Variants in TRMT2B observed in about 807,000 individuals in gnomAD.
TRMT2B encodes the protein tRNA methyltransferase 2B, also known as tRNA (uracil-5-)-methyltransferase homolog B.
In TRMT2B, 34 loss-of-function variants were observed where a neutral mutation model predicts 39.7. The observed-to-expected ratio is 0.86, with a 90% CI of 0.65 to 1.14. The LOEUF is 1.14. Ranked by LOEUF, TRMT2B falls within the 50% of genes most tolerant of loss-of-function variation. The probability of loss-of-function intolerance (pLI) is 0.00; values close to 1 mark genes in which losing one functional copy is unlikely to be tolerated. For synonymous variants in TRMT2B, 132 were observed against 137.3 expected (o/e 0.96, Z 0.27); for missense variants, 318 against 377.2 (o/e 0.84, Z 1.30).
chrX:101,042,337 G>C lies in TRMT2B; in HGVS notation c.-23-25C>G. On this transcript the variant is annotated intron_variant, in intron 2 of 13. Coordinates refer to ENST00000372936, the MANE Select transcript of TRMT2B (RefSeq NM_024917.6). ...CCTGCATGAAAGGTACACATACAGA[G>C]GTTGGGAAATAGAAGCACAACTATC... 2.6e-6 allele frequency: 3 copies of C among 1,174,977 alleles called. No individual in the cohort carries two copies. In the South Asian group the frequency reaches 5.9e-5, roughly 23 times the overall value.
At chrX:101,005,880 CAA>C (rs370275736), downstream of TRMT2B, among the ~76,000 whole-genome samples, 299 of 64,077 alleles carry the variant, frequency 4.7e-3, 1 homozygote, top group African/African-American at 0.012. Context: ...GATTCCCACT[CAA>C]AAAAAAAAAA....
Position 101,021,400 on chromosome X carries a change from G to A in TRMT2B, c.852-85C>T, listed in dbSNP as rs772031342. 682 of 837,756 alleles carry A rather than the reference G, an allele frequency of 8.1e-4. 5 individuals carry two copies. The African/African-American group carries it at 0.012, about 15-fold the overall frequency. The allele number at this position is 837,756 out of a possible 1,213,427, so 69.0% of individuals were successfully genotyped here. A position where few individuals can be genotyped will look rare whatever the true frequency, so the allele number is the denominator to read the frequency against. Reference sequence around the variant, plus strand: ...TCCCAGCACTTTGGGAGGCCGAGGCGGGCAGATCACCTAAGGTCAGGAGTT... The same window carrying A: ...TCCCAGCACTTTGGGAGGCCGAGGCAGGCAGATCACCTAAGGTCAGGAGTT... On this transcript the variant is annotated intron_variant, in intron 9 of 13. Transcript: ENST00000372936.
At chrX:101,005,986 C>T (rs994663566), downstream of TRMT2B, among the ~76,000 whole-genome samples, 11 of 107,753 alleles carry the variant, frequency 1.0e-4, no homozygotes, top group Non-Finnish European at 1.7e-4. Context: ...TCTGGGAGGC[C>T]GAGGTGGGTG....
chrX:101,039,537 C>T (rs2088087531), intron 4 of TRMT2B, among the ~76,000 whole-genome samples: 1 of 111,781 alleles, frequency 8.9e-6, no homozygotes, highest in Non-Finnish European at 1.9e-5. Flanking sequence ...TCAATAACAC[C>T]CACAGAAAAG....
chrX:101,044,738 G>A (rs2088501666), intron 2 of TRMT2B, among the ~76,000 whole-genome samples: 1 of 108,144 alleles, frequency 9.2e-6, no homozygotes, highest in Admixed American at 1.0e-4. Flanking sequence ...TACTCGGTAG[G>A]CTGAGGTAGG....
chrX:101,032,001 A>G (rs987760220), intron 7 of TRMT2B, among the ~76,000 whole-genome samples: 1 of 111,219 alleles, frequency 9.0e-6, no homozygotes, highest in South Asian at 3.8e-4. Flanking sequence ...CACATAGAAA[A>G]TGAGGGAGAG....
intron 2 of TRMT2B, among the ~76,000 whole-genome samples, chrX:101,044,976 G>A (rs1331411821): frequency 9.4e-6 from 1 of 105,951 alleles, no homozygotes; most frequent in Non-Finnish European, 1.9e-5. Flanking sequence ...GTTGCAATGA[G>A]CCGAGACCGT....
chrX:101,047,397 G>A (rs1283364511), intron 2 of TRMT2B, among the ~76,000 whole-genome samples: 1 of 111,439 alleles, frequency 9.0e-6, no homozygotes, highest in Non-Finnish European at 1.9e-5. Context: ...AGGAACAATG[G>A]GAGTAACTAT....
chrX:101,042,129 C>T lies in TRMT2B; in HGVS notation c.161G>A (p.Arg54His), dbSNP rs767987704. The change falls in exon 3 of 14, where the codon CGT (arginine) becomes CAT (histidine). Residue 54 changes from arginine (R) to histidine (H), a missense_variant. Transcript: ENST00000372936. ...LGTVCKGDFTRVIATKCQKGQ... is the reference protein window; with the variant it reads ...LGTVCKGDFTHVIATKCQKGQ... ...TTTCTGACATTTCGTGGCTATCACA[C>T]GGGTGAAATCTCCCTTACATACTGT... 10 of 1,210,519 alleles carry T rather than the reference C, an allele frequency of 8.3e-6. No homozygotes were observed. The South Asian group carries it at 8.8e-5, about 11-fold the overall frequency.
chrX:101,046,237 T>A (rs1487317777), intron 2 of TRMT2B, among the ~76,000 whole-genome samples: 1 of 110,691 alleles, frequency 9.0e-6, no homozygotes, highest in Non-Finnish European at 1.9e-5. Flanking sequence ...GGCCAATGAC[T>A]GTATCAGGGA....
chrX:101,029,329 C>T (rs2148031425), intron 7 of TRMT2B, among the ~76,000 whole-genome samples: 1 of 111,452 alleles, frequency 9.0e-6, no homozygotes, highest in African/African-American at 3.3e-5. Flanking sequence ...TTGTAGGGGG[C>T]TGATCCATGC....
At chrX:101,027,778 A>G (rs2087199112) in intron 7 of TRMT2B, among the ~76,000 whole-genome samples, 1 of 110,782 alleles carries the variant, frequency 9.0e-6, no homozygotes, top group Admixed American at 9.8e-5. Context: ...ACTACTTAAC[A>G]TACCCATTCA....
intron 13 of TRMT2B, among the ~76,000 whole-genome samples, chrX:101,013,960 G>A (rs1602511666): frequency 1.8e-5 from 2 of 109,846 alleles, no homozygotes; most frequent in East Asian, 2.9e-4. Flanking sequence ...GGTGACTCAC[G>A]CCTATAGTCC....
chrX:100,986,925 C>T, the TRMT2B span: 10 of 1,065,731 alleles, frequency 9.4e-6, no homozygotes, highest in Non-Finnish European at 1.2e-5. Flanking sequence ...TCTTCCTTCC[C>T]TCTTCCTCTG....
intron 3 of TRMT2B, among the ~76,000 whole-genome samples, chrX:101,041,838 C>A (rs1484330576): frequency 8.9e-6 from 1 of 111,829 alleles, no homozygotes; most frequent in Non-Finnish European, 1.9e-5. Flanking sequence ...AAAACACACT[C>A]AAAGACAAAG....
At position 101,038,044 on chromosome X, in the gene TRMT2B, A is replaced by G. The variant is rs1203664372; in HGVS notation, c.311T>C (p.Phe104Ser). ...TTGTAAAATTTTCTTCTGAGCTGCA[A>G]ATTTCACCTGCAAAAGAATATAAGC... ...LSYEEQLKVK[F>S]AAQKKILQRL... The change falls in exon 5 of 14, where the codon TTT becomes TCT. Residue 104 changes from phenylalanine (F) to serine (S), a missense_variant. Phe to Ser is a radical substitution (Grantham distance 155, BLOSUM62 -2). Coordinates refer to ENST00000372936, the MANE Select transcript of TRMT2B (RefSeq NM_024917.6). 3 of 1,207,700 alleles carry G rather than the reference A, an allele frequency of 2.5e-6. No individual in the cohort carries two copies. Among genetic ancestry groups the G allele is most frequent in the Admixed American group, 2.2e-5 (1 of 45,342 alleles).
chrX:100,982,195 C>T, the TRMT2B span, among the ~76,000 whole-genome samples: 1 of 110,979 alleles, frequency 9.0e-6, no homozygotes, highest in Non-Finnish European at 1.9e-5. Flanking sequence ...CTTGAGAGAA[C>T]GAGGCCTGGA....
downstream of TRMT2B, among the ~76,000 whole-genome samples, chrX:101,005,942 C>G (rs1209857379): frequency 2.0e-5 from 2 of 100,571 alleles, no homozygotes; most frequent in Non-Finnish European, 4.0e-5. Context: ...GAATGTGGGC[C>G]AGGTGCGGTG....
In TRMT2B at chrX:101,041,333, T is replaced by C; in HGVS notation, c.287A>G (p.Tyr96Cys). ...DVVTPLWRLS[Y>C]EEQLKVKFAA... ...GGCACCTACCTTGAGCTGTTCTTCA[T>C]AGCTCAACCTCCAGAGTGGTGTCAC... Residue 96 changes from tyrosine (Y) to cysteine (C), a missense_variant, in exon 4 of 14, where the codon TAT becomes TGT. Physicochemically the swap from Tyr to Cys is radical, Grantham distance 194. Transcript: ENST00000372936. 1.7e-6 allele frequency: 2 copies of C among 1,210,103 alleles called. No individual in the cohort carries two copies. Among genetic ancestry groups the C allele is most frequent in the South Asian group, 1.8e-5 (1 of 56,564 alleles).
Sources: allele counts gnomAD v4.1 joint callset (sites outside exome capture counted in the v4.1 genomes callset), GRCh38; gene constraint gnomAD v4.1.1; transcripts MANE v1.5; gene names NCBI Gene and HGNC (gene_info 2026-07-23, HGNC 2026-07-21).